RYR3: variants seen among roughly 807,000 people sequenced by gnomAD.
RYR3 encodes ryanodine receptor 3.
In RYR3, 207 loss-of-function variants were observed where a neutral mutation model predicts 584.3. The observed-to-expected ratio is 0.35, with a 90% confidence interval of 0.32 to 0.40. The LOEUF is 0.40. Ranked by LOEUF, RYR3 falls within the 10% of genes least tolerant of loss-of-function variation. The probability of loss-of-function intolerance (pLI) is 1.00; values close to 1 mark genes in which losing one functional copy is unlikely to be tolerated. For synonymous variants in RYR3, 2,416 were observed against 2,248.5 expected (o/e 1.07, Z -2.11); for missense variants, 5,616 against 6,089.2 (o/e 0.92, Z 2.59).
At chr15:33,321,141 A>G (rs78842769) in intron 1 of RYR3, among the ~76,000 whole-genome samples, 1 of 152,234 alleles carries the variant, frequency 6.6e-6, no homozygotes. Context: ...TGGAGAATCC[A>G]CAGCTACACA....
chr15:33,742,166 G>A (rs1294137158), intron 51 of RYR3, among the ~76,000 whole-genome samples, 200 bp from the exon 52 acceptor site: 2 of 152,152 alleles, frequency 1.3e-5, no homozygotes, highest in Non-Finnish European at 2.9e-5. Context: ...GTTAGACTTG[G>A]GTGCGTCCGT....
At chr15:33,402,728 G>A (rs2042760834) in intron 1 of RYR3, among the ~76,000 whole-genome samples, 1 of 152,214 alleles carries the variant, frequency 6.6e-6, no homozygotes, top group African/African-American at 2.4e-5. Context: ...CTAGGCAGAG[G>A]GGCCCCAGGA....
chr15:33,355,851 C>T (rs1468621363), intron 1 of RYR3, among the ~76,000 whole-genome samples: 1 of 152,156 alleles, frequency 6.6e-6, no homozygotes, highest in Non-Finnish European at 1.5e-5. Context: ...CCCTAGGTTC[C>T]CGCCACACAA....
rs143793943 is a variant in RYR3 at position 33,450,429 on chromosome 15, C to G, written c.52-22990C>G. ...CCCTGTAGCTTTGCAAGCAGCAAGA[C>G]GCTTCTGCCGCCCGCCCTCATCTCA... is the stretch of plus-strand genomic sequence containing the variant. On this transcript the variant is annotated intron_variant, in intron 1 of 103. Coordinates refer to ENST00000634891, the MANE Select transcript of RYR3 (RefSeq NM_001036.6). 2.5e-3 allele frequency among the ~76,000 whole-genome samples: 382 copies of G among 152,178 alleles called. 2 individuals carry two copies. Among genetic ancestry groups the G allele is most frequent in the African/African-American group, 9.0e-3 (372 of 41,522 alleles).
At chr15:33,316,822 C>G (rs956109204) in intron 1 of RYR3, among the ~76,000 whole-genome samples, 2 of 152,176 alleles carry the variant, frequency 1.3e-5, no homozygotes, top group African/African-American at 4.8e-5. Flanking sequence ...GTTGGAAAAC[C>G]AGCCCAGTTG....
rs569652283 is a variant in RYR3 at position 33,865,436 on chromosome 15, T to A, written c.*210T>A. On this transcript the variant is annotated 3_prime_UTR_variant, in exon 104 of 104. Coordinates refer to ENST00000634891, the MANE Select transcript of RYR3 (RefSeq NM_001036.6). ...CTGTGGGAGAGAACCTGTCAAAATGTCGAAGAAGGAAGGCGAAGAATCAAG... is the reference window on the plus strand; with the variant it reads ...CTGTGGGAGAGAACCTGTCAAAATGACGAAGAAGGAAGGCGAAGAATCAAG... 1.6e-5 allele frequency: 8 copies of A among 507,182 alleles called. No individual in the cohort carries two copies. Among genetic ancestry groups the A allele is most frequent in the Non-Finnish European group, 2.4e-5 (7 of 286,698 alleles). The allele number at this position is 507,182 out of a possible 1,614,324, so 31.4% of individuals were successfully genotyped here.
intron 95 of RYR3, 116 bp from the exon 96 acceptor site, chr15:33,853,438 CT>C: frequency 7.7e-7 from 1 of 1,290,814 alleles, no homozygotes; most frequent in Non-Finnish European, 1.0e-6. Context: ...TGAACTATGT[CT>C]TCATCTACCC....
At chr15:33,520,009 A>G (rs2053858878) in intron 3 of RYR3, among the ~76,000 whole-genome samples, 1 of 152,186 alleles carries the variant, frequency 6.6e-6, no homozygotes, top group South Asian at 2.1e-4. Flanking sequence ...GACCAGTACA[A>G]AAAAGATAGA....
chr15:33,555,049 T>A (rs1272355366), intron 10 of RYR3, among the ~76,000 whole-genome samples: 1 of 152,234 alleles, frequency 6.6e-6, no homozygotes, highest in Non-Finnish European at 1.5e-5. Flanking sequence ...GGTATAGAGC[T>A]ATCACTGTTC....
At chr15:33,719,139 G>A (rs1326905230) in intron 43 of RYR3, among the ~76,000 whole-genome samples, 1 of 152,188 alleles carries the variant, frequency 6.6e-6, no homozygotes, top group East Asian at 1.9e-4. Flanking sequence ...CTAATTAGCA[G>A]CAATGGTTGC....
At chr15:33,521,487 C>T (rs1048492838) in intron 3 of RYR3, among the ~76,000 whole-genome samples, 1 of 152,088 alleles carries the variant, frequency 6.6e-6, no homozygotes, top group Non-Finnish European at 1.5e-5. Flanking sequence ...AATTATAAAC[C>T]ATGGGAATGG....
At chr15:33,646,559 T>C in intron 29 of RYR3, 33 bp downstream of exon 29, 1 of 1,572,008 alleles carries the variant, frequency 6.4e-7, no homozygotes, top group South Asian at 1.2e-5. Flanking sequence ...TCAGAGGCAC[T>C]CATTGTATCT....
intron 82 of RYR3, among the ~76,000 whole-genome samples, chr15:33,826,023 C>T (rs543785373): frequency 3.3e-5 from 5 of 152,240 alleles, no homozygotes; most frequent in African/African-American, 9.6e-5. Context: ...GCGTGAGCCA[C>T]CGCACCTGGC....
intron 102 of RYR3, among the ~76,000 whole-genome samples, chr15:33,863,687 T>C (rs117506317): frequency 0.032 from 4,942 of 152,294 alleles, 161 homozygotes; most frequent in Non-Finnish European, 0.039. Context: ...AGAATCTCCA[T>C]GAGATTAAAT....
intron 25 of RYR3, among the ~76,000 whole-genome samples, 175 bp from the exon 26 acceptor site, chr15:33,635,439 A>G (rs189004836): frequency 6.6e-6 from 1 of 152,324 alleles, no homozygotes; most frequent in East Asian, 1.9e-4. Flanking sequence ...GGTAGCTTGT[A>G]TGGTGATGAT....
At chr15:33,356,869 A>G (rs1974052899) in intron 1 of RYR3, among the ~76,000 whole-genome samples, 1 of 152,172 alleles carries the variant, frequency 6.6e-6, no homozygotes, top group Non-Finnish European at 1.5e-5. Flanking sequence ...AGTAATAATT[A>G]TAATATGGAA....
At chr15:33,634,855 C>A in intron 25 of RYR3, 122 bp downstream of exon 25, 1 of 789,856 alleles carries the variant, frequency 1.3e-6, no homozygotes, top group Non-Finnish European at 2.1e-6. Flanking sequence ...CTGAAGAGCA[C>A]TAGACTAAAT....
intron 93 of RYR3, among the ~76,000 whole-genome samples, chr15:33,846,647 A>C (rs1567308946): frequency 6.6e-6 from 1 of 152,232 alleles, no homozygotes; most frequent in South Asian, 2.1e-4. Context: ...AAGTCCAGCT[A>C]CTGTGCTGCA....
At chr15:33,855,215 T>TG (rs1350717233) in intron 98 of RYR3, among the ~76,000 whole-genome samples, 1 of 151,766 alleles carries the variant, frequency 6.6e-6, no homozygotes, top group Non-Finnish European at 1.5e-5. Flanking sequence ...TTTTTTTTTT[T>TG]GTGACGGTGT....
Sources: allele counts gnomAD v4.1 joint callset (sites outside exome capture counted in the v4.1 genomes callset), GRCh38; gene constraint gnomAD v4.1.1; transcripts MANE v1.5; gene names NCBI Gene and HGNC (gene_info 2026-07-23, HGNC 2026-07-21).